Variants in SLC39A10 observed in about 807,000 individuals in gnomAD.
SLC39A10 encodes zinc transporter ZIP10.
Under a neutral mutation model 65.1 loss-of-function variants are expected in SLC39A10, and 13 were observed. The observed-to-expected ratio is 0.20, with a 90% confidence interval of 0.13 to 0.32. SLC39A10 has a LOEUF of 0.32. Ranked by LOEUF, SLC39A10 falls within the 10% of genes least tolerant of loss-of-function variation. The probability of loss-of-function intolerance (pLI) is 1.00; values close to 1 mark genes in which losing one functional copy is unlikely to be tolerated. For missense variants in SLC39A10, 831 were observed against 1,018.4 expected (o/e 0.82, Z 2.50); for synonymous variants, 321 against 342.2 (o/e 0.94, Z 0.68).
intron 1 of SLC39A10, among the ~76,000 whole-genome samples, chr2:195,665,121 T>G (rs1224940121): frequency 6.6e-6 from 1 of 152,168 alleles, no homozygotes; most frequent in Non-Finnish European, 1.5e-5. Context: ...GGTCAGGAGT[T>G]TGAGACTAGC....
Position 195,736,057 on chromosome 2 carries a change from C to G in SLC39A10, c.*1016C>G, listed in dbSNP as rs935988862. 6 of 152,572 alleles carry G rather than the reference C, an allele frequency of 3.9e-5. No homozygotes were observed. The highest frequency in any genetic ancestry group is 1.2e-4 in the African/African-American group (5 of 41,492). 9.5% of individuals were successfully genotyped at this position (152,572 alleles called of 1,614,324 possible). A position where few individuals can be genotyped will look rare whatever the true frequency, so the allele number is the denominator to read the frequency against. On this transcript the variant is annotated 3_prime_UTR_variant, in exon 10 of 10. Transcript: ENST00000359634. ...GCTACAAGGTTGTAAAGCAGAAAAT[C>G]GAAGTTTACCATGTCTGTAATGTGT...
upstream of SLC39A10, among the ~76,000 whole-genome samples, chr2:195,652,830 T>C (rs1689068832): frequency 6.6e-6 from 1 of 152,118 alleles, no homozygotes; most frequent in South Asian, 2.1e-4. Context: ...AGGAGGTGAG[T>C]GTCAGGCAGT....
At chr2:195,697,297 G>A (rs1389006423) in intron 3 of SLC39A10, among the ~76,000 whole-genome samples, 1 of 152,094 alleles carries the variant, frequency 6.6e-6, no homozygotes, top group Admixed American at 6.5e-5. Flanking sequence ...TGTCTGTAGG[G>A]GGGTACTAGA....
chr2:195,645,768 G>A (rs1171884272), intron 2 of SLC39A10, among the ~76,000 whole-genome samples: 1 of 151,968 alleles, frequency 6.6e-6, no homozygotes, highest in African/African-American at 2.4e-5. Flanking sequence ...ATTTCTATTT[G>A]AATTCCAAAG....
chr2:195,710,081 C>T (rs1369477442), intron 5 of SLC39A10, among the ~76,000 whole-genome samples: 4 of 152,174 alleles, frequency 2.6e-5, no homozygotes, highest in African/African-American at 7.2e-5. Flanking sequence ...CTTGGTTGAA[C>T]TGTTGCTTAA....
chr2:195,619,029 G>A (rs759405332), intron 2 of SLC39A10, among the ~76,000 whole-genome samples: 5 of 147,930 alleles, frequency 3.4e-5, no homozygotes, highest in South Asian at 2.1e-4. Flanking sequence ...GGAGGCGGAG[G>A]TTGCAGTGAG....
At chr2:195,651,319 T>C (rs1051807860) in intron 2 of SLC39A10, among the ~76,000 whole-genome samples, 30 of 152,300 alleles carry the variant, frequency 2.0e-4, no homozygotes, top group Admixed American at 1.8e-3. Flanking sequence ...TCTCGAATAA[T>C]GGAAATAATT....
chr2:195,682,049 C>T (rs1000279244), intron 2 of SLC39A10, among the ~76,000 whole-genome samples: 1 of 152,002 alleles, frequency 6.6e-6, no homozygotes, highest in African/African-American at 2.4e-5. Flanking sequence ...AATGGGATGT[C>T]CTGTTTTCCT....
chr2:195,723,135 G>C (rs1025583560), intron 8 of SLC39A10, among the ~76,000 whole-genome samples: 3 of 152,188 alleles, frequency 2.0e-5, no homozygotes, highest in Non-Finnish European at 2.9e-5. Flanking sequence ...CAGGGAATTT[G>C]ACTGTAAGAG....
At chr2:195,634,190 T>C (rs1688653790) in intron 2 of SLC39A10, among the ~76,000 whole-genome samples, 2 of 152,228 alleles carry the variant, frequency 1.3e-5, no homozygotes, top group African/African-American at 4.8e-5. Context: ...ACTGGTTGTG[T>C]TAACACAGAA....
Position 195,632,290 on chromosome 2 carries a change from C to CTTTT in SLC39A10, c.-12+26081_-12+26084dup, listed in dbSNP as rs202193660. On this transcript the variant is annotated intron_variant, in intron 2 of 2. Transcript: ENST00000458054. ...AGGTCACCAGCTCTCATTCTACTTC[C>CTTTT]TTTTTTTTTTTTTTTTTTTTTTTTT... is the stretch of plus-strand genomic sequence containing the variant. Among the ~76,000 whole-genome samples, 209 of 69,256 alleles carry CTTTT rather than the reference C, an allele frequency of 3.0e-3. 36 individuals carry two copies. The highest frequency in any genetic ancestry group is 0.012 in the African/African-American group (195 of 15,970). 45.4% of individuals were successfully genotyped at this position (69,256 alleles called of 152,430 possible).
intron 1 of SLC39A10, among the ~76,000 whole-genome samples, chr2:195,663,118 T>C (rs1574237392): frequency 6.6e-6 from 1 of 152,338 alleles, no homozygotes; most frequent in East Asian, 1.9e-4. Flanking sequence ...CCTTTTCTAA[T>C]TGAAAAGCTG....
At chr2:195,635,624 G>T (rs1688682715) in intron 2 of SLC39A10, among the ~76,000 whole-genome samples, 1 of 151,226 alleles carries the variant, frequency 6.6e-6, no homozygotes. Context: ...ATGCTAAAGT[G>T]CTTTAGTTAT....
intron 9 of SLC39A10, among the ~76,000 whole-genome samples, chr2:195,733,013 A>G (rs1403962772): frequency 6.6e-6 from 1 of 152,248 alleles, no homozygotes; most frequent in African/African-American, 2.4e-5. Flanking sequence ...AACAGAATTT[A>G]TGATAGCATG....
chr2:195,661,946 C>T (rs1689417646), intron 1 of SLC39A10, among the ~76,000 whole-genome samples: 1 of 152,214 alleles, frequency 6.6e-6, no homozygotes, highest in Admixed American at 6.5e-5. Context: ...TAATACTTAT[C>T]CTTGTATTAA....
intron 2 of SLC39A10, among the ~76,000 whole-genome samples, chr2:195,636,887 A>T (rs376656382): frequency 1.2e-4 from 19 of 152,312 alleles, no homozygotes; most frequent in Middle Eastern, 3.4e-3. Context: ...AATTAAAAAA[A>T]ATATTTTTGA....
intron 1 of SLC39A10, among the ~76,000 whole-genome samples, chr2:195,665,423 A>G (rs1297202924): frequency 6.6e-6 from 1 of 152,222 alleles, no homozygotes; most frequent in African/African-American, 2.4e-5. Flanking sequence ...GTGAGCTATC[A>G]TTGCACCACT....
At chr2:195,626,315 C>T (rs771772992) in intron 2 of SLC39A10, among the ~76,000 whole-genome samples, 3 of 152,100 alleles carry the variant, frequency 2.0e-5, no homozygotes, top group Non-Finnish European at 1.5e-5. Context: ...CTACAGATAG[C>T]AGTCTTATGA....
At chr2:195,657,636 C>T (rs1052630720) in intron 1 of SLC39A10, 6 of 985,090 alleles carry the variant, frequency 6.1e-6, no homozygotes, top group East Asian at 1.1e-4. Flanking sequence ...GGGCCGCGCC[C>T]GGGGTGGGGG....
Sources: gnomAD v4.1 joint callset for allele counts (sites outside exome capture counted in the v4.1 genomes callset) on GRCh38, gnomAD v4.1.1 for gene constraint, MANE v1.5 for transcripts, NCBI Gene and HGNC (gene_info 2026-07-23, HGNC 2026-07-21) for gene names.